The following SNAP47 variants were observed in gnomAD, a reference collection of about 807,000 sequenced individuals.
The protein encoded by SNAP47 is synaptosome associated protein 47.
SNAP47 carries 20 observed loss-of-function variants against 31.4 expected under a neutral mutation model. That is an observed-to-expected ratio of 0.64 (90% confidence interval 0.45 to 0.93). The LOEUF (loss-of-function observed/expected upper bound fraction) is 0.93. Ranked by LOEUF, SNAP47 falls within the 40% of genes least tolerant of loss-of-function variation. SNAP47 has a pLI of 0.00. For missense variants in SNAP47, 492 were observed against 528.5 expected (o/e 0.93, Z 0.68); for synonymous variants, 194 against 213.4 (o/e 0.91, Z 0.79).
upstream of SNAP47, chr1:227,734,973 C>T: frequency 6.6e-7 from 1 of 1,504,964 alleles, no homozygotes; most frequent in Non-Finnish European, 8.9e-7. Flanking sequence ...GTCCCGCCGG[C>T]CTTTCCTCCC....
At chr1:227,743,143 A>C (rs1032925838) in intron 1 of SNAP47, among the ~76,000 whole-genome samples, 3 of 151,834 alleles carry the variant, frequency 2.0e-5, no homozygotes, top group Admixed American at 6.5e-5. Flanking sequence ...CCGGTTGCAG[A>C]GGAAGGTGCA....
At chr1:227,778,893 G>C (rs566245453) in intron 4 of SNAP47, among the ~76,000 whole-genome samples, 30 of 152,230 alleles carry the variant, frequency 2.0e-4, no homozygotes, top group African/African-American at 7.2e-4. Flanking sequence ...AAGCCCTGCT[G>C]TCTGGGACTG....
chr1:227,735,195 G>A, upstream of SNAP47: 1 of 1,581,946 alleles, frequency 6.3e-7, no homozygotes. Flanking sequence ...ACCCGGCCCG[G>A]AGCCTGGCCG....
At position 227,742,546 on chromosome 1, in the gene SNAP47, G is replaced by A. The variant is rs114620312; in HGVS notation, c.-45-5146G>A. 4.4e-3 allele frequency among the ~76,000 whole-genome samples: 673 copies of A among 152,356 alleles called. 4 individuals are homozygous for A. The highest frequency in any genetic ancestry group is 0.016 in the African/African-American group (650 of 41,578). ...ACCAGTAACAGGACTTCTCCGGGGA[G>A]GTTGTGCATAATTTCCCTCCACACT... On this transcript the variant is annotated intron_variant, in intron 1 of 4. Transcript: ENST00000617596.
chr1:227,779,041 A>G (rs1664310887), intron 4 of SNAP47, among the ~76,000 whole-genome samples: 1 of 152,210 alleles, frequency 6.6e-6, no homozygotes, highest in African/African-American at 2.4e-5. Flanking sequence ...TCCCTGTGCC[A>G]TCTGCAGAGG....
At chr1:227,764,084 C>G (rs764031121) in intron 3 of SNAP47, among the ~76,000 whole-genome samples, 1 of 152,196 alleles carries the variant, frequency 6.6e-6, no homozygotes, top group African/African-American at 2.4e-5. Flanking sequence ...CTTCCTACTC[C>G]CGGACAGTCG....
chr1:227,755,418 G>A (rs576869864), intron 2 of SNAP47, among the ~76,000 whole-genome samples: 4 of 151,438 alleles, frequency 2.6e-5, no homozygotes, highest in Admixed American at 1.3e-4. Context: ...ATGGAGTCTC[G>A]CTCTGTCACC....
At chr1:227,754,688 C>A (rs567638210) in intron 2 of SNAP47, among the ~76,000 whole-genome samples, 1 of 152,252 alleles carries the variant, frequency 6.6e-6, no homozygotes, top group Non-Finnish European at 1.5e-5. Flanking sequence ...GCACTGTGAT[C>A]AGAGCTGGTG....
chr1:227,761,518 A>G lies in SNAP47; in HGVS notation c.988+2033A>G, dbSNP rs114154533. On this transcript the variant is annotated intron_variant, in intron 3 of 4. Coordinates refer to ENST00000617596, the MANE Select transcript of SNAP47 (RefSeq NM_053052.4). ...AAATCCATTGATCAAGATGAGATCA[A>G]AGGTCACCATGAGCTGCTGTCACTA... Among the ~76,000 whole-genome samples the G allele has an allele frequency of 4.3e-3, 651 of 152,328 alleles. 7 individuals are homozygous for G. The highest frequency in any genetic ancestry group is 6.8e-3 in the Middle Eastern group (2 of 294).
chr1:227,736,771 C>T (rs973650691), intron 1 of SNAP47, among the ~76,000 whole-genome samples: 63 of 149,840 alleles, frequency 4.2e-4, no homozygotes, highest in African/African-American at 1.5e-3. Flanking sequence ...ATCCTTCTGC[C>T]TTGGCCTCCC....
upstream of SNAP47, chr1:227,733,907 C>T: frequency 6.2e-7 from 1 of 1,613,466 alleles, no homozygotes; most frequent in South Asian, 1.1e-5. Context: ...GTGGCCTCAC[C>T]AGCTGCCCGC....
rs201961944 is a variant in SNAP47, at chr1:227,748,229, G to T, written c.493G>T (p.Asp165Tyr). 6.3e-7 allele frequency: 1 copy of T among 1,577,420 alleles called. No homozygotes were observed. The highest frequency in any genetic ancestry group is 8.6e-7 in the Non-Finnish European group (1 of 1,161,914). ...DKMESDLEVA[D>Y]RLLTELESPA... ...GATGGAGTCAGACCTGGAGGTGGCG[G>T]ACAGGTGGGCTTGCTGTGTACACTT... Residue 165 changes from aspartate to tyrosine, a missense_variant, in exon 2 of 5, where the codon GAC becomes TAC. Transcript: ENST00000617596.
At chr1:227,773,277 A>C (rs1663942450) in intron 4 of SNAP47, among the ~76,000 whole-genome samples, 1 of 152,044 alleles carries the variant, frequency 6.6e-6, no homozygotes, top group Non-Finnish European at 1.5e-5. Context: ...GGCCAAAAAA[A>C]AGTTTCAAAA....
chr1:227,742,755 C>T (rs1397264643), intron 1 of SNAP47, among the ~76,000 whole-genome samples: 3 of 152,224 alleles, frequency 2.0e-5, no homozygotes, highest in Admixed American at 6.5e-5. Flanking sequence ...AACTCCAGGG[C>T]TGAGCAGGGA....
chr1:227,729,180 T>C (rs1660484822), intron 1 of SNAP47, among the ~76,000 whole-genome samples: 1 of 152,116 alleles, frequency 6.6e-6, no homozygotes, highest in South Asian at 2.1e-4. Context: ...GGTCAGAGCC[T>C]GCAGTGGGAG....
chr1:227,743,090 G>T (rs1362391977), intron 1 of SNAP47, among the ~76,000 whole-genome samples: 1 of 152,158 alleles, frequency 6.6e-6, no homozygotes, highest in Non-Finnish European at 1.5e-5. Flanking sequence ...GCCCTCTTCT[G>T]TGTCTCCTGA....
chr1:227,766,316 G>A (rs186055609), intron 3 of SNAP47, among the ~76,000 whole-genome samples: 1 of 152,374 alleles, frequency 6.6e-6, no homozygotes, highest in Admixed American at 6.5e-5. Flanking sequence ...TGGGCCCCGG[G>A]GTGTCAAGGC....
In SNAP47 at chr1:227,747,765, G is replaced by C; in HGVS notation, c.29G>C (p.Trp10Ser). The C allele has an allele frequency of 6.2e-7, 1 of 1,614,106 alleles. No homozygotes were observed. The highest frequency in any genetic ancestry group is 1.1e-5 in the South Asian group (1 of 91,080). MSRDVCIHTWPCTYYLEPKR... is the reference protein window; with the variant it reads MSRDVCIHTSPCTYYLEPKR... ...AGCAGGGATGTCTGCATCCACACCT[G>C]GCCGTGCACCTACTACCTGGAGCCC... Residue 10 changes from tryptophan (W) to serine (S), a missense_variant, in exon 2 of 5, where the codon TGG (tryptophan) becomes TCG (serine). Transcript: ENST00000617596.
chr1:227,749,602 G>T (rs1662211170), intron 2 of SNAP47, among the ~76,000 whole-genome samples: 1 of 152,130 alleles, frequency 6.6e-6, no homozygotes, highest in Non-Finnish European at 1.5e-5. Context: ...TCCTGGATTT[G>T]CCAGTCTGCC....
Sources: allele counts gnomAD v4.1 joint callset (sites outside exome capture counted in the v4.1 genomes callset), GRCh38; gene constraint gnomAD v4.1.1; transcripts MANE v1.5; gene names NCBI Gene and HGNC (gene_info 2026-07-23, HGNC 2026-07-21).